MEP1B: variants seen among roughly 807,000 people sequenced by gnomAD.
MEP1B encodes the protein meprin A subunit beta.
In MEP1B, 80 loss-of-function variants were observed where a neutral mutation model predicts 84.6. The observed-to-expected ratio is 0.95, with a 90% CI of 0.79 to 1.14. The LOEUF (loss-of-function observed/expected upper bound fraction) is 1.14, where lower values mean the gene tolerates loss of function less well. MEP1B is among the 50% of genes most tolerant of loss of function. The probability of loss-of-function intolerance (pLI) is 0.00; values close to 1 mark genes in which losing one functional copy is unlikely to be tolerated. For synonymous variants in MEP1B, 273 were observed against 288.1 expected (o/e 0.95, Z 0.53); for missense variants, 766 against 855.1 (o/e 0.90, Z 1.30).
intron 4 of MEP1B, 105 bp from the exon 5 acceptor site, chr18:32,195,302 C>A (rs1021082225): frequency 3.0e-6 from 2 of 675,748 alleles, no homozygotes; most frequent in Non-Finnish European, 5.2e-6. Context: ...TTTGTTTGTG[C>A]GAACTGGGAG....
rs138685531 is a variant in MEP1B at position 32,211,248 on chromosome 18, G to A, written c.1135+532G>A. On this transcript the variant is annotated intron_variant, in intron 10 of 14. Coordinates refer to ENST00000269202, the MANE Select transcript of MEP1B (RefSeq NM_005925.3). ...CATGCCACTGCACTCCAGCCTGCGCGACAGAGCAAGACTCCATCTCTGAAA... is the reference window on the plus strand; with the variant it reads ...CATGCCACTGCACTCCAGCCTGCGCAACAGAGCAAGACTCCATCTCTGAAA... Among the ~76,000 whole-genome samples, 193 of 152,102 alleles carry A rather than the reference G, an allele frequency of 1.3e-3. 4 individuals carry two copies. The East Asian group carries it at 0.033, about 26-fold the overall frequency.
At chr18:32,212,490 G>A (rs2041038183) in intron 10 of MEP1B, among the ~76,000 whole-genome samples, 1 of 152,110 alleles carries the variant, frequency 6.6e-6, no homozygotes, top group Admixed American at 6.5e-5. Flanking sequence ...TGCTGCTAGC[G>A]AGGGGTATGG....
intron 10 of MEP1B, among the ~76,000 whole-genome samples, chr18:32,212,371 C>T (rs1344445502): frequency 6.6e-6 from 1 of 152,150 alleles, no homozygotes; most frequent in Admixed American, 6.5e-5. Flanking sequence ...ACTAGTTTGA[C>T]ATGAATTCCT....
intron 4 of MEP1B, 146 bp from the exon 5 acceptor site, chr18:32,195,261 G>T: frequency 2.0e-6 from 1 of 507,722 alleles, no homozygotes; most frequent in Non-Finnish European, 3.4e-6. Flanking sequence ...TAAAAGTAGG[G>T]CTACACACAC....
At chr18:32,220,123 C>A in intron 14 of MEP1B, 108 bp from the exon 15 acceptor site, 1 of 1,047,022 alleles carries the variant, frequency 9.6e-7, no homozygotes. Flanking sequence ...GGCCAGGAGA[C>A]TGCTGATGGG....
chr18:32,197,849 A>G (rs1000821456), intron 5 of MEP1B, among the ~76,000 whole-genome samples: 24 of 152,340 alleles, frequency 1.6e-4, no homozygotes, highest in Admixed American at 1.6e-3. Flanking sequence ...GGAGTTGAGC[A>G]TAGCACCCAA....
intron 10 of MEP1B, among the ~76,000 whole-genome samples, 179 bp from the exon 11 acceptor site, chr18:32,212,937 C>A (rs72939741): frequency 0.073 from 11,076 of 152,154 alleles, 471 homozygotes; most frequent in African/African-American, 0.1. Context: ...CAGTGTGACC[C>A]CACAGAAGCA....
chr18:32,196,894 A>C lies in MEP1B; in HGVS notation c.250+1409A>C. ...TGGAGGCGGGCAAGGAGGCGCAGGC[A>C]GGCTCAGATCTCCACGTGCACTGCT... On this transcript the variant is annotated intron_variant, in intron 5 of 14. Coordinates refer to ENST00000269202, the MANE Select transcript of MEP1B (RefSeq NM_005925.3). The surrounding 1 kb of genome is among the most constrained non-coding windows in gnomAD (Gnocchi z 4.4). 2 of 457,974 alleles carry C rather than the reference A, an allele frequency of 4.4e-6. No homozygotes were observed. The highest frequency in any genetic ancestry group is 2.1e-5 in the South Asian group (1 of 47,324). 28.4% of individuals were successfully genotyped at this position (457,974 alleles called of 1,614,324 possible).
intron 12 of MEP1B, among the ~76,000 whole-genome samples, chr18:32,215,463 T>G (rs985191988): frequency 4.6e-5 from 7 of 152,148 alleles, no homozygotes; most frequent in African/African-American, 1.7e-4. Context: ...GATTCCAGAA[T>G]AAAGAATTTA....
chr18:32,210,420 A>G, intron 9 of MEP1B, 81 bp from the exon 10 acceptor site: 2 of 1,208,196 alleles, frequency 1.7e-6, no homozygotes, highest in East Asian at 2.5e-5. Context: ...CCTCGCGTAA[A>G]GAATCTAGCA....
Position 32,220,299 on chromosome 18 carries a change from T to C in MEP1B, c.*54T>C. The C allele has an allele frequency of 1.3e-6, 2 of 1,560,486 alleles. No homozygotes were observed. Among genetic ancestry groups the C allele is most frequent in the Non-Finnish European group, 1.8e-6 (2 of 1,139,976 alleles). ...TGAAATTAAAAAGGATTCTTCATCA[T>C]GGATTTCGCCTAAGTGATATTACAG... On this transcript the variant is annotated 3_prime_UTR_variant, in exon 15 of 15. Transcript: ENST00000269202.
intron 7 of MEP1B, among the ~76,000 whole-genome samples, chr18:32,207,048 C>A (rs2040972816): frequency 6.6e-6 from 1 of 152,160 alleles, no homozygotes; most frequent in South Asian, 2.1e-4. Context: ...TGCAATAGAA[C>A]CTTAGATATG....
Position 32,196,120 on chromosome 18 carries a change from G to T in MEP1B, c.250+635G>T. 2 of 520,422 alleles carry T rather than the reference G, an allele frequency of 3.8e-6. No individual in the cohort carries two copies. The highest frequency in any genetic ancestry group is 3.0e-4 in the Middle Eastern group (1 of 3,350). 32.2% of individuals were successfully genotyped at this position (520,422 alleles called of 1,614,324 possible). A position where few individuals can be genotyped will look rare whatever the true frequency, so the allele number is the denominator to read the frequency against. ...CGCTGGCTCGGGCTCGGTGGCCTTG[G>T]GCTCCTTGGCCTCATCCCTGTTTCT... On this transcript the variant is annotated intron_variant, in intron 5 of 14. Coordinates refer to ENST00000269202, the MANE Select transcript of MEP1B (RefSeq NM_005925.3). The surrounding 1 kb of genome is among the most constrained non-coding windows in gnomAD (Gnocchi z 4.4).
Position 32,196,046 on chromosome 18 carries a change from A to G in MEP1B, c.250+561A>G. The stretch of plus-strand genomic sequence containing the variant: ...CTCTATCCCTGCAAGTTCGGGGAAG[A>G]AGGGTCATTGGCAGCCCGGGGCTGG... On this transcript the variant is annotated intron_variant, in intron 5 of 14. Coordinates refer to ENST00000269202, the MANE Select transcript of MEP1B (RefSeq NM_005925.3). The surrounding 1 kb of genome is among the most constrained non-coding windows in gnomAD (Gnocchi z 4.4). 1 of 410,608 alleles carries G rather than the reference A, an allele frequency of 2.4e-6. No individual in the cohort carries two copies. The highest frequency in any genetic ancestry group is 4.6e-6 in the Non-Finnish European group (1 of 218,592). The allele number at this position is 410,608 out of a possible 1,614,324, so 25.4% of individuals were successfully genotyped here.
At chr18:32,191,418 G>C (rs1397111104) in intron 1 of MEP1B, among the ~76,000 whole-genome samples, 1 of 151,924 alleles carries the variant, frequency 6.6e-6, no homozygotes, top group Non-Finnish European at 1.5e-5. Context: ...TTAAAGAATT[G>C]TTATAAATTA....
In MEP1B at chr18:32,196,575, G is replaced by C; in HGVS notation, c.250+1090G>C. On this transcript the variant is annotated intron_variant, in intron 5 of 14. Transcript: ENST00000269202. This position sits in a 1 kb window ranked among gnomAD's most constrained non-coding sequence, Gnocchi z 4.4. ...TTGGTACTTGGTGCTGACGGCCAGC[G>C]CGTTGTCCAGGAAGCACAGCGACAG... The C allele has an allele frequency of 1.4e-6, 1 of 715,278 alleles. No homozygotes were observed. The highest frequency in any genetic ancestry group is 2.6e-6 in the Non-Finnish European group (1 of 389,360). 44.3% of individuals were successfully genotyped at this position (715,278 alleles called of 1,614,324 possible). A position where few individuals can be genotyped will look rare whatever the true frequency, so the allele number is the denominator to read the frequency against.
intron 9 of MEP1B, among the ~76,000 whole-genome samples, chr18:32,208,499 T>C (rs1292467296): frequency 6.6e-6 from 1 of 152,222 alleles, no homozygotes; most frequent in African/African-American, 2.4e-5. Flanking sequence ...GGCTCTGTGA[T>C]GCCTCTACCA....
chr18:32,202,988 A>G lies in MEP1B; in HGVS notation c.346A>G (p.Ile116Val), dbSNP rs369778774. Residue 116 changes from isoleucine (I) to valine (V), a missense_variant, in exon 6 of 15, where the codon ATA (isoleucine) becomes GTA (valine). Ile to Val is a conservative substitution (Grantham distance 29). Transcript: ENST00000269202. ...FKPWAGETNY[I>V]SVFKGSGCWS... ...GCCTTGGGCTGGAGAAACAAACTAT[A>G]TATCAGTGTTCAAGGGCAGTGGGTA... 19 of 1,609,532 alleles carry G rather than the reference A, an allele frequency of 1.2e-5. No homozygotes were observed. Among genetic ancestry groups the G allele is most frequent in the Middle Eastern group, 1.6e-4 (1 of 6,082 alleles).
At chr18:32,201,799 T>A (rs922697527) in intron 5 of MEP1B, among the ~76,000 whole-genome samples, 1 of 152,212 alleles carries the variant, frequency 6.6e-6, no homozygotes, top group African/African-American at 2.4e-5. Context: ...TTTTACAACT[T>A]ATGGATTTTA....
Sources: allele counts gnomAD v4.1 joint callset (sites outside exome capture counted in the v4.1 genomes callset), GRCh38; gene constraint gnomAD v4.1.1; non-coding constraint Gnocchi (gnomAD v3.1); transcripts MANE v1.5; gene names NCBI Gene and HGNC (gene_info 2026-07-23, HGNC 2026-07-21).